LRRC66: variants seen among roughly 807,000 people sequenced by gnomAD.
The protein encoded by LRRC66 is leucine rich repeat containing 66.
LRRC66 carries 29 observed loss-of-function variants against 24.6 expected under a neutral mutation model. The ratio of observed to expected loss-of-function variants is 1.18; its 90% CI spans 0.88 to 1.61. The LOEUF (loss-of-function observed/expected upper bound fraction) is 1.61. Ranked by LOEUF, LRRC66 falls within the 40% of genes most tolerant of loss-of-function variation. LRRC66 has a pLI of 0.00. For missense variants in LRRC66, 1,124 were observed against 1,058.0 expected, an observed-to-expected ratio of 1.06 and a Z score of -0.87; for synonymous variants, 411 against 397.6, an observed-to-expected ratio of 1.03 and a Z score of -0.40.
At chr4:52,010,204 A>G (rs1033661450) in intron 2 of LRRC66, among the ~76,000 whole-genome samples, 24 of 152,206 alleles carry the variant, frequency 1.6e-4, no homozygotes, top group Non-Finnish European at 7.3e-5. Context: ...AGCCAAAAAG[A>G]CAATCTAAGT....
At chr4:52,007,479 C>T (rs1470085032) in intron 2 of LRRC66, among the ~76,000 whole-genome samples, 1 of 152,176 alleles carries the variant, frequency 6.6e-6, no homozygotes, top group Non-Finnish European at 1.5e-5. Flanking sequence ...AACCACTGCT[C>T]CCAGCCCTGT....
In LRRC66 at chr4:51,995,983, TC is replaced by T. The variant is rs1270666109; in HGVS notation, c.1038del (p.Lys347ArgfsTer103). 4 of 1,613,852 alleles carry T rather than the reference TC, an allele frequency of 2.5e-6. No individual in the cohort carries two copies. The African/African-American group carries it at 5.3e-5, about 22-fold the overall frequency. On this transcript the variant is annotated frameshift_variant, in exon 5 of 5. Transcript: ENST00000682860. LOFTEE classifies it low-confidence loss of function (END_TRUNC). Reference protein sequence around the residue: ...GKKAKAGSGLRKKQRRLPRSV... With the variant: ...GKKAKAGSGLXKKQRRLPRSV... ...CTCCTTGGCAGCCGTCTCTGCTTCTTCCTGAGACCAGAGCCGGCCTTTGCCT... is the reference window on the plus strand; with the variant it reads ...CTCCTTGGCAGCCGTCTCTGCTTCTTCTGAGACCAGAGCCGGCCTTTGCCT...
chr4:52,009,170 A>C (rs1452247564), intron 2 of LRRC66, among the ~76,000 whole-genome samples: 1 of 152,178 alleles, frequency 6.6e-6, no homozygotes, highest in Non-Finnish European at 1.5e-5. Flanking sequence ...AAAAATCAAA[A>C]TAGAAATAAT....
chr4:51,996,239 C>T (rs1048270674), intron 4 of LRRC66, 74 bp from the exon 5 acceptor site: 3 of 1,404,146 alleles, frequency 2.1e-6, no homozygotes, highest in Non-Finnish European at 2.9e-6. Flanking sequence ...CTCTTTTTTA[C>T]AGAATTGAAA....
chr4:52,019,638 T>G (rs1489537858), intron 1 of LRRC66, among the ~76,000 whole-genome samples: 1 of 152,180 alleles, frequency 6.6e-6, no homozygotes, highest in Non-Finnish European at 1.5e-5. Context: ...TCTTATGCAA[T>G]ACTAGAAATT....
At position 51,995,027 on chromosome 4, in the gene LRRC66, G is replaced by A; in HGVS notation, c.1995C>T (p.Gly665=). The change falls in exon 5 of 5, where the codon GGC becomes GGT. Residue 665 remains glycine (G), a synonymous_variant. Coordinates refer to ENST00000682860, the MANE Select transcript of LRRC66 (RefSeq NM_001024611.3). The part of the protein sequence containing the change: ...EVPYGDPRDT[G]PSVFPPRWDS... ...CCCATCTTGGAGGAAAGACTGATGG[G>A]CCTGTGTCTCTTGGGTCACCGTATG... The A allele has an allele frequency of 1.2e-6, 2 of 1,614,124 alleles. No individual in the cohort carries two copies. The highest frequency in any genetic ancestry group is 1.7e-6 in the Non-Finnish European group (2 of 1,180,038).
At chr4:52,015,290 C>T (rs1201018779) in intron 2 of LRRC66, among the ~76,000 whole-genome samples, 1 of 151,832 alleles carries the variant, frequency 6.6e-6, no homozygotes, top group Non-Finnish European at 1.5e-5. Context: ...AAAACCCTAA[C>T]CCTTTAGAAG....
Position 52,017,121 on chromosome 4 carries a change from T to C in LRRC66, c.493A>G (p.Lys165Glu), listed in dbSNP as rs753890985. Residue 165 changes from lysine to glutamate, a missense_variant, in exon 2 of 5, where the codon AAG becomes GAG. By Grantham distance (56) the Lys-to-Glu change is moderately conservative. Transcript: ENST00000682860. The part of the protein sequence containing the change: ...LQRNKLSDTP[K>E]GLWKLKSLQS... Reference sequence around the variant, plus strand: ...GCCTAGTTAAAATTGTACTCACCCTTGGGAGTGTCACTGAGTTTATTTCTT... The same window carrying C: ...GCCTAGTTAAAATTGTACTCACCCTCGGGAGTGTCACTGAGTTTATTTCTT... 10 of 1,612,384 alleles carry C rather than the reference T, an allele frequency of 6.2e-6. No homozygotes were observed. In the Admixed American group the frequency reaches 6.7e-5, roughly 11 times the overall value.
rs748484106 is a variant in LRRC66, at chr4:51,995,630, G to C, written c.1392C>G (p.His464Gln). 2 of 1,614,074 alleles carry C rather than the reference G, an allele frequency of 1.2e-6. No individual in the cohort carries two copies. Among genetic ancestry groups the C allele is most frequent in the South Asian group, 2.2e-5 (2 of 91,052 alleles). Reference sequence around the variant, plus strand: ...TATCAGGAATTACGGTGGCGTGTGGGTGTGGCTGTGTCACCCAGAAAGGGG... The same window carrying C: ...TATCAGGAATTACGGTGGCGTGTGGCTGTGGCTGTGTCACCCAGAAAGGGG... ...NQTPFWVTQP[H>Q]PHATVIPDRT... Residue 464 changes from histidine to glutamine, a missense_variant, in exon 5 of 5, where the codon CAC becomes CAG. His to Gln is a conservative substitution (Grantham distance 24, BLOSUM62 0). Transcript: ENST00000682860.
At chr4:52,018,600 C>T (rs1578120459) in intron 1 of LRRC66, 1 of 985,246 alleles carries the variant, frequency 1.0e-6, no homozygotes, top group Non-Finnish European at 1.2e-6. Flanking sequence ...TCTTTGTGAT[C>T]CATCCTAGGT....
chr4:52,019,487 T>C (rs900743177), intron 1 of LRRC66, among the ~76,000 whole-genome samples: 1 of 152,200 alleles, frequency 6.6e-6, no homozygotes, highest in African/African-American at 2.4e-5. Flanking sequence ...GAATGAAATT[T>C]ACAATGTAAC....
chr4:51,995,242 G>A lies in LRRC66; in HGVS notation c.1780C>T (p.His594Tyr). 1 of 1,614,182 alleles carries A rather than the reference G, an allele frequency of 6.2e-7. No homozygotes were observed. Among genetic ancestry groups the A allele is most frequent in the East Asian group, 2.2e-5 (1 of 44,866 alleles). Reference protein sequence around the residue: ...ITASLCKMLTHAEAQRTGDSK... With the variant: ...ITASLCKMLTYAEAQRTGDSK... ...TCTCCAGTCCTCTGTGCTTCTGCAT[G>A]TGTTAGCATTTTACAGAGGGAAGCT... Residue 594 changes from histidine (H) to tyrosine (Y), a missense_variant, in exon 5 of 5, where the codon CAT (histidine) becomes TAT (tyrosine). By Grantham distance (83) the His-to-Tyr change is moderately conservative. Coordinates refer to ENST00000682860, the MANE Select transcript of LRRC66 (RefSeq NM_001024611.3).
At chr4:52,014,430 T>A (rs1194800785) in intron 2 of LRRC66, among the ~76,000 whole-genome samples, 1 of 152,250 alleles carries the variant, frequency 6.6e-6, no homozygotes, top group East Asian at 1.9e-4. Context: ...CAGTTTATTA[T>A]GCCAAATACC....
rs369505879 is a variant in LRRC66, at chr4:51,994,731, C to T, written c.2291G>A (p.Gly764Glu). ...EENVTFQTIP[G>E]KCKNQEDPFE... ...GGGATCTTCTTGATTCTTGCATTTC[C>T]CTGGAATTGTTTGGAAGGTAACATT... Residue 764 changes from glycine (G) to glutamate (E), a missense_variant, in exon 5 of 5, where the codon GGG becomes GAG. Transcript: ENST00000682860. 9 of 1,614,148 alleles carry T rather than the reference C, an allele frequency of 5.6e-6. No homozygotes were observed. The African/African-American group carries it at 6.7e-5, about 12-fold the overall frequency.
intron 1 of LRRC66, among the ~76,000 whole-genome samples, chr4:52,019,147 T>C (rs529676805): frequency 2.0e-5 from 3 of 152,348 alleles, no homozygotes; most frequent in Admixed American, 2.0e-4. Flanking sequence ...AGTGCTGGGA[T>C]TACAGGCGTG....
intron 1 of LRRC66, among the ~76,000 whole-genome samples, chr4:52,018,912 T>C (rs908491732): frequency 1.3e-5 from 2 of 152,142 alleles, no homozygotes; most frequent in Non-Finnish European, 2.9e-5. Flanking sequence ...GTTTCGCTCT[T>C]GTTACCCAGG....
At position 52,017,233 on chromosome 4, in the gene LRRC66, A is replaced by G. The variant is rs1292414172; in HGVS notation, c.381T>C (p.Asp127=). 1.9e-6 allele frequency: 3 copies of G among 1,614,162 alleles called. No homozygotes were observed. Among genetic ancestry groups the G allele is most frequent in the East Asian group, 2.2e-5 (1 of 44,874 alleles). ...CCCATGAGGACTTAGGACTGAGTAG[A>G]TCCAATGAGAGGGAGTGGATGGCAT... ...SNNAIHSLSL[D]LLSPKSSWVK... Residue 127 remains aspartate, a synonymous_variant, in exon 2 of 5, where the codon GAT becomes GAC. Transcript: ENST00000682860.
In LRRC66 at chr4:51,994,129, CCT is replaced by C. The variant is rs1736229935; in HGVS notation, c.*248_*249del. On this transcript the variant is annotated 3_prime_UTR_variant, in exon 5 of 5. Transcript: ENST00000682860. ...TCTTGGAATGATCTCAAAATATTCC[CCT>C]CTTTCTCTTTCACACTGAAGAGCAG... 7.0e-6 allele frequency: 3 copies of C among 429,904 alleles called. No homozygotes were observed. The highest frequency in any genetic ancestry group is 4.3e-5 in the South Asian group (1 of 23,228). 26.6% of individuals were successfully genotyped at this position (429,904 alleles called of 1,614,324 possible). A position where few individuals can be genotyped will look rare whatever the true frequency, so the allele number is the denominator to read the frequency against.
At chr4:52,003,132 G>T in intron 3 of LRRC66, 91 bp downstream of exon 3, 2 of 988,514 alleles carry the variant, frequency 2.0e-6, no homozygotes, top group Non-Finnish European at 3.0e-6. Context: ...AGTACTACTG[G>T]ACATGAAGAA....
Sources: gnomAD v4.1 joint callset for allele counts (sites outside exome capture counted in the v4.1 genomes callset) on GRCh38, gnomAD v4.1.1 for gene constraint, MANE v1.5 for transcripts, NCBI Gene and HGNC (gene_info 2026-07-23, HGNC 2026-07-21) for gene names.